THSD4: variants seen among roughly 807,000 people sequenced by gnomAD.
THSD4 encodes the protein thrombospondin type 1 domain containing 4, also known as thrombospondin type-1 domain-containing protein 4.
THSD4 carries 69 observed loss-of-function variants against 119.0 expected under a neutral mutation model. The observed-to-expected ratio is 0.58, with a 90% CI of 0.48 to 0.71. THSD4 has a LOEUF of 0.71. THSD4 is among the 30% of genes least tolerant of loss of function. The pLI is 0.00. For missense variants in THSD4, 1,393 were observed against 1,391.1 expected, an observed-to-expected ratio of 1.00 and a Z score of -0.02; for synonymous variants, 524 against 540.4, an observed-to-expected ratio of 0.97 and a Z score of 0.42.
chr15:71,454,574 CAAG>C (rs2047311300), intron 7 of THSD4, among the ~76,000 whole-genome samples: 1 of 152,104 alleles, frequency 6.6e-6, no homozygotes, highest in Admixed American at 6.5e-5. Context: ...TTTAAGCAAA[CAAG>C]AGGGAGAAAA....
intron 7 of THSD4, among the ~76,000 whole-genome samples, chr15:71,439,197 A>T (rs1204572532): frequency 6.6e-6 from 1 of 152,244 alleles, no homozygotes; most frequent in Non-Finnish European, 1.5e-5. Flanking sequence ...TTCAGTAAAT[A>T]GGCGGTATCT....
intron 7 of THSD4, among the ~76,000 whole-genome samples, chr15:71,519,125 A>T (rs1406765242): frequency 6.6e-6 from 1 of 152,130 alleles, no homozygotes; most frequent in East Asian, 1.9e-4. Flanking sequence ...GACCTGAGTG[A>T]TATGAAGGAT....
intron 8 of THSD4, among the ~76,000 whole-genome samples, chr15:71,725,320 A>G (rs1275543261): frequency 6.6e-6 from 1 of 152,052 alleles, no homozygotes; most frequent in Non-Finnish European, 1.5e-5. Context: ...GCTGGCAAGG[A>G]GGTAATTACA....
intron 8 of THSD4, among the ~76,000 whole-genome samples, chr15:71,673,325 G>A (rs1343842896): frequency 2.0e-5 from 3 of 152,006 alleles, no homozygotes; most frequent in Non-Finnish European, 4.4e-5. Flanking sequence ...CTGTGGGATC[G>A]GTGGTGATAT....
At chr15:71,739,642 A>G (rs568231596) in intron 11 of THSD4, among the ~76,000 whole-genome samples, 10 of 152,278 alleles carry the variant, frequency 6.6e-5, no homozygotes, top group Non-Finnish European at 1.3e-4. Context: ...TCCTTCATAT[A>G]TATGATAATA....
intron 8 of THSD4, among the ~76,000 whole-genome samples, chr15:71,678,829 C>T (rs1337059627): frequency 1.3e-5 from 2 of 152,196 alleles, no homozygotes; most frequent in East Asian, 3.9e-4. Flanking sequence ...AATCAATATT[C>T]ATGTTCTTCC....
At chr15:71,557,378 G>T (rs564500931) in intron 7 of THSD4, among the ~76,000 whole-genome samples, 3 of 152,064 alleles carry the variant, frequency 2.0e-5, no homozygotes, top group Admixed American at 2.0e-4. Flanking sequence ...TTTATAACAT[G>T]ACTATTTTTA....
At chr15:71,351,501 C>T (rs2045743115) in intron 6 of THSD4, among the ~76,000 whole-genome samples, 1 of 152,204 alleles carries the variant, frequency 6.6e-6, no homozygotes, top group East Asian at 1.9e-4. Context: ...ATCAGGCCTT[C>T]CACCTTGCTG....
Position 71,215,308 on chromosome 15 carries a change from G to A in THSD4, c.373G>A (p.Ala125Thr). ...GAGCCGCGACGAGACGCCAGCGCTG[G>A]CCGGTACGGACGCCAGCCGCCAGGG... is the stretch of plus-strand genomic sequence containing the variant. Reference protein sequence around the residue: ...HRSRDETPALAGTDASRQGPT... With the variant: ...HRSRDETPALTGTDASRQGPT... Residue 125 changes from alanine to threonine, a missense_variant, in exon 4 of 18, where the codon GCC (alanine) becomes ACC (threonine). Physicochemically the swap from Ala to Thr is moderately conservative, Grantham distance 58. Transcript: ENST00000261862. 6 of 1,528,040 alleles carry A rather than the reference G, an allele frequency of 3.9e-6. No homozygotes were observed. Among genetic ancestry groups the A allele is most frequent in the East Asian group, 2.5e-5 (1 of 39,964 alleles). The allele number at this position is 1,528,040 out of a possible 1,614,324, so 94.7% of individuals were successfully genotyped here. A position where few individuals can be genotyped will look rare whatever the true frequency, so the allele number is the denominator to read the frequency against.
intron 7 of THSD4, among the ~76,000 whole-genome samples, chr15:71,493,764 G>A (rs980093312): frequency 1.3e-5 from 2 of 152,180 alleles, no homozygotes; most frequent in East Asian, 1.9e-4. Context: ...TTGCCACTCC[G>A]CTAGACACTT....
rs374629210 is a variant in THSD4 at position 71,208,625 on chromosome 15, C to T, written c.100-6410C>T. Among the ~76,000 whole-genome samples the T allele has an allele frequency of 3.3e-5, 5 of 152,040 alleles. No individual in the cohort carries two copies. In the South Asian group the frequency reaches 8.3e-4, roughly 25 times the overall value. ...CCCCTGGGCTCAAGTGATAATCCTG[C>T]CTCACCCTCCTGAGTAGCTGGGATT... On this transcript the variant is annotated intron_variant, in intron 3 of 17. Coordinates refer to ENST00000261862, the MANE Select transcript of THSD4 (RefSeq NM_024817.3).
At chr15:71,600,578 A>G (rs1045444064) in intron 7 of THSD4, among the ~76,000 whole-genome samples, 2 of 152,212 alleles carry the variant, frequency 1.3e-5, no homozygotes, top group Non-Finnish European at 2.9e-5. Context: ...AGTGACCCCC[A>G]AAACTGGTTC....
intron 7 of THSD4, among the ~76,000 whole-genome samples, chr15:71,479,078 G>C (rs1001860604): frequency 2.1e-5 from 2 of 95,112 alleles, no homozygotes; most frequent in Non-Finnish European, 4.1e-5. Flanking sequence ...AAATTAGGCA[G>C]AGTGTATTTT....
intron 5 of THSD4, among the ~76,000 whole-genome samples, chr15:71,246,190 A>G (rs2044198802): frequency 6.6e-6 from 1 of 152,168 alleles, no homozygotes; most frequent in Non-Finnish European, 1.5e-5. Flanking sequence ...GGTTGATGTC[A>G]GGTTCAGACA....
At chr15:71,226,949 A>G (rs1444406966) in intron 4 of THSD4, among the ~76,000 whole-genome samples, 1 of 152,214 alleles carries the variant, frequency 6.6e-6, no homozygotes, top group Non-Finnish European at 1.5e-5. Context: ...CTTCTGAAGC[A>G]GGAATAGCAC....
chr15:71,148,474 G>C (rs905747252), intron 2 of THSD4, among the ~76,000 whole-genome samples: 3 of 152,214 alleles, frequency 2.0e-5, no homozygotes, highest in African/African-American at 7.2e-5. Context: ...CTTAAGCTCA[G>C]ATGAATTTGT....
chr15:71,188,057 A>G (rs1239069467), intron 3 of THSD4, among the ~76,000 whole-genome samples: 1 of 152,234 alleles, frequency 6.6e-6, no homozygotes, highest in Non-Finnish European at 1.5e-5. Flanking sequence ...TGATTAGACA[A>G]TGAATTACAA....
chr15:71,497,374 G>A (rs1333602466), intron 7 of THSD4, among the ~76,000 whole-genome samples: 2 of 152,074 alleles, frequency 1.3e-5, no homozygotes, highest in African/African-American at 2.4e-5. Context: ...TTAGTTGGGT[G>A]TGATGGTGTG....
chr15:71,193,860 G>A (rs370111931), intron 3 of THSD4, among the ~76,000 whole-genome samples: 101 of 152,158 alleles, frequency 6.6e-4, no homozygotes, highest in South Asian at 1.5e-3. Flanking sequence ...ACAGGCGCCC[G>A]CCGCCACGCC....
Sources: gnomAD v4.1 joint callset for allele counts (sites outside exome capture counted in the v4.1 genomes callset) on GRCh38, gnomAD v4.1.1 for gene constraint, MANE v1.5 for transcripts, NCBI Gene and HGNC (gene_info 2026-07-23, HGNC 2026-07-21) for gene names.